MDN1: variants seen among roughly 807,000 people sequenced by gnomAD.
MDN1 encodes the protein midasin AAA ATPase 1.
Under a neutral mutation model 669.2 loss-of-function variants are expected in MDN1, and 266 were observed. That is an observed-to-expected ratio of 0.40 (90% CI 0.36 to 0.44). The LOEUF (loss-of-function observed/expected upper bound fraction) is 0.44, where lower values mean the gene tolerates loss of function less well. Ranked by LOEUF, MDN1 falls within the 20% of genes least tolerant of loss-of-function variation. The pLI is 1.00. For synonymous variants in MDN1, 2,385 were observed against 2,457.1 expected (o/e 0.97, Z 0.87); for missense variants, 5,940 against 6,754.0 (o/e 0.88, Z 4.22).
intron 1 of MDN1, among the ~76,000 whole-genome samples, chr6:89,809,036 C>A (rs1160033440): frequency 1.3e-5 from 2 of 149,724 alleles, no homozygotes; most frequent in African/African-American, 2.5e-5. Context: ...GAGAAACATG[C>A]TGAAACCCCA....
rs756336671 is a variant in MDN1 at position 89,713,285 on chromosome 6, A to T, written c.7081T>A (p.Ser2361Thr). ...TRSTVVGSPT[S>T]SVSTLIQTAI... ...GTCTGGATTAGAGTTGATACAGAAG[A>T]TGTTGGAGAACCTATTAAAAAAAAA... The change falls in exon 47 of 102, where the codon TCT becomes ACT. Residue 2361 changes from serine (S) to threonine (T), a missense_variant. Physicochemically the swap from Ser to Thr is moderately conservative, Grantham distance 58. This residue lies in a region of MDN1 where 2,292 missense variants were observed against 2,638.3 expected (regional missense o/e 0.87). Coordinates refer to ENST00000369393, the MANE Select transcript of MDN1 (RefSeq NM_014611.3). 6.2e-7 allele frequency: 1 copy of T among 1,609,912 alleles called. No individual in the cohort carries two copies. The highest frequency in any genetic ancestry group is 1.1e-5 in the South Asian group (1 of 90,704).
At chr6:89,752,073 G>A (rs984716493) in intron 22 of MDN1, among the ~76,000 whole-genome samples, 1 of 152,058 alleles carries the variant, frequency 6.6e-6, no homozygotes, top group Non-Finnish European at 1.5e-5. Flanking sequence ...GCTGAGATAT[G>A]GTTTAAGTTA....
intron 20 of MDN1, among the ~76,000 whole-genome samples, chr6:89,755,170 A>G (rs1195825105): frequency 6.6e-6 from 1 of 152,148 alleles, no homozygotes; most frequent in East Asian, 1.9e-4. Flanking sequence ...GCTACCAAAA[A>G]GTATTCCAAT....
chr6:89,682,361 C>T (rs1811671104), intron 73 of MDN1, among the ~76,000 whole-genome samples: 1 of 152,340 alleles, frequency 6.6e-6, no homozygotes, highest in East Asian at 1.9e-4. Context: ...AGTGCGATGA[C>T]TCATGCCCAT....
intron 11 of MDN1, among the ~76,000 whole-genome samples, chr6:89,777,271 G>A (rs1818401924): frequency 6.6e-6 from 1 of 152,114 alleles, no homozygotes; most frequent in African/African-American, 2.4e-5. Context: ...CAGAAAATAT[G>A]AGAGATAAAA....
At chr6:89,787,661 G>C (rs1034981434) in intron 8 of MDN1, among the ~76,000 whole-genome samples, 193 bp downstream of exon 8, 28 of 151,812 alleles carry the variant, frequency 1.8e-4, no homozygotes, top group African/African-American at 6.8e-4. Flanking sequence ...TTTAAGTCGG[G>C]GGGGGGACCT....
chr6:89,774,558 T>G (rs578149518), intron 13 of MDN1, 63 bp downstream of exon 13: 1 of 1,206,054 alleles, frequency 8.3e-7, no homozygotes, highest in African/African-American at 1.5e-5. Flanking sequence ...GAGGCTGAGC[T>G]AGACCTTCTG....
chr6:89,702,980 G>A (rs1347957337), intron 53 of MDN1, among the ~76,000 whole-genome samples: 1 of 150,928 alleles, frequency 6.6e-6, no homozygotes, highest in Non-Finnish European at 1.5e-5. Flanking sequence ...CCATCGCCAA[G>A]GCTAGAGTGC....
chr6:89,647,415 T>G (rs2128297561), intron 99 of MDN1, among the ~76,000 whole-genome samples: 1 of 152,270 alleles, frequency 6.6e-6, no homozygotes. Flanking sequence ...TCTCTAAGCT[T>G]AATGAGGGAG....
chr6:89,745,903 T>C lies in MDN1; in HGVS notation c.3905-277A>G, dbSNP rs1816588812. On this transcript the variant is annotated intron_variant, in intron 27 of 101. Coordinates refer to ENST00000369393, the MANE Select transcript of MDN1 (RefSeq NM_014611.3). ...TTTGTTCATAACTAAAAAATTAAAA[T>C]GATCCAGATGTCCATAACCAAGAGA... 2.0e-5 allele frequency among the ~76,000 whole-genome samples: 3 copies of C among 152,116 alleles called. No individual in the cohort carries two copies. In the South Asian group the frequency reaches 6.2e-4, roughly 32 times the overall value.
chr6:89,712,532 A>G (rs778367856), intron 48 of MDN1, 43 bp downstream of exon 48: 3 of 1,578,612 alleles, frequency 1.9e-6, no homozygotes, highest in Non-Finnish European at 2.6e-6. Flanking sequence ...AAAAATAAAA[A>G]CCAGCCAAGA....
intron 65 of MDN1, among the ~76,000 whole-genome samples, 177 bp from the exon 66 acceptor site, chr6:89,688,985 C>G (rs1449697784): frequency 2.0e-5 from 3 of 152,158 alleles, no homozygotes; most frequent in African/African-American, 4.8e-5. Flanking sequence ...TCCTGGCCAA[C>G]ATGGTGAAAC....
chr6:89,756,738 T>C (rs893567961), intron 19 of MDN1, among the ~76,000 whole-genome samples: 3 of 152,018 alleles, frequency 2.0e-5, no homozygotes, highest in Non-Finnish European at 2.9e-5. Flanking sequence ...CTGGCTAACA[T>C]GGTGAAACCC....
At chr6:89,678,868 T>C (rs778516845) in intron 74 of MDN1, 123 bp from the exon 75 acceptor site, 6 of 981,778 alleles carry the variant, frequency 6.1e-6, no homozygotes, top group Non-Finnish European at 8.7e-6. Flanking sequence ...TTCATCTTTA[T>C]ACCCTGGGTA....
chr6:89,700,897 A>G, intron 55 of MDN1, 41 bp from the exon 56 acceptor site: 2 of 1,580,526 alleles, frequency 1.3e-6, no homozygotes, highest in Non-Finnish European at 1.7e-6. Context: ...ATAGAGCACA[A>G]ATGTGGTTTT....
intron 33 of MDN1, among the ~76,000 whole-genome samples, chr6:89,737,418 AAAATG>A (rs1816046808): frequency 1.3e-5 from 2 of 152,282 alleles, no homozygotes; most frequent in African/African-American, 4.8e-5. Flanking sequence ...AAGAATATAA[AAAATG>A]ATCCAAAAAA....
rs1361952008 is a variant in MDN1, at chr6:89,664,619, T to C, written c.14104A>G (p.Thr4702Ala). ...TCTTTTTCTTGACCCTTCTGAAATGTATCTTCCACCTACATAAAGAAGTAT... is the reference window on the plus strand; with the variant it reads ...TCTTTTTCTTGACCCTTCTGAAATGCATCTTCCACCTACATAAAGAAGTAT... ...QIGNEEQVED[T>A]FQKGQEKDKE... is the part of the protein sequence containing the mutation. Residue 4702 changes from threonine (T) to alanine (A), a missense_variant, in exon 85 of 102, where the codon ACA (threonine) becomes GCA (alanine). Physicochemically the swap from Thr to Ala is moderately conservative, Grantham distance 58. This residue lies in a region of MDN1 where 2,280 missense variants were observed against 2,576.3 expected (regional missense o/e 0.88). Coordinates refer to ENST00000369393, the MANE Select transcript of MDN1 (RefSeq NM_014611.3). The C allele has an allele frequency of 3.7e-6, 6 of 1,608,880 alleles. 1 individual carries two copies. In the East Asian group the frequency reaches 1.1e-4, roughly 30 times the overall value.
At chr6:89,649,941 A>AT in intron 97 of MDN1, 83 bp downstream of exon 97, 1 of 1,396,612 alleles carries the variant, frequency 7.2e-7, no homozygotes, top group Non-Finnish European at 1.0e-6. Flanking sequence ...TAGCCATATC[A>AT]TATTTAAAGC....
At chr6:89,803,248 G>T in intron 2 of MDN1, 80 bp downstream of exon 2, 1 of 1,226,808 alleles carries the variant, frequency 8.2e-7, no homozygotes, top group Non-Finnish European at 1.2e-6. Flanking sequence ...TACCTTCTCA[G>T]CTCAGACTCC....
Sources: gnomAD v4.1 joint callset for allele counts (sites outside exome capture counted in the v4.1 genomes callset) on GRCh38, gnomAD v4.1.1 for gene constraint, gnomAD v4.1.1 regional missense constraint, MANE v1.5 for transcripts, NCBI Gene and HGNC (gene_info 2026-07-23, HGNC 2026-07-21) for gene names.